Variants in ZRANB3 observed in about 807,000 individuals in gnomAD.
The protein encoded by ZRANB3 is zinc finger RANBP2-type containing 3, also known as DNA annealing helicase and endonuclease ZRANB3.
A neutral mutation model predicts 133.8 loss-of-function variants in ZRANB3; 125 were observed. That is an observed-to-expected ratio of 0.93 (90% CI 0.81 to 1.08). ZRANB3 has a LOEUF of 1.08. Among genes scored for constraint, ZRANB3 ranks in the 50% least tolerant of loss-of-function variants. The probability of loss-of-function intolerance (pLI) is 0.00; values close to 1 mark genes in which losing one functional copy is unlikely to be tolerated. For synonymous variants in ZRANB3, 387 were observed against 432.7 expected, an observed-to-expected ratio of 0.89 and a Z score of 1.31; for missense variants, 1,229 against 1,275.5, an observed-to-expected ratio of 0.96 and a Z score of 0.56.
chr2:135,391,861 G>C (rs1285506898), intron 2 of ZRANB3, among the ~76,000 whole-genome samples: 1 of 152,140 alleles, frequency 6.6e-6, no homozygotes, highest in Admixed American at 6.5e-5. Flanking sequence ...TTACAGGTGT[G>C]AGCCACCGCG....
chr2:135,289,498 C>T (rs1421677152), intron 8 of ZRANB3, among the ~76,000 whole-genome samples: 14 of 152,078 alleles, frequency 9.2e-5, no homozygotes, highest in Admixed American at 9.2e-4. Context: ...TTGTGATCTA[C>T]CCCCCTCAGC....
chr2:135,505,403 A>G (rs573164712), intron 1 of ZRANB3, among the ~76,000 whole-genome samples: 4 of 152,174 alleles, frequency 2.6e-5, no homozygotes, highest in South Asian at 2.1e-4. Flanking sequence ...TTGAAACCCC[A>G]TATCTATTAA....
intron 6 of ZRANB3, among the ~76,000 whole-genome samples, chr2:135,335,302 G>A (rs188903509): frequency 6.6e-6 from 1 of 151,620 alleles, no homozygotes; most frequent in African/African-American, 2.4e-5. Flanking sequence ...TATTCTGGGT[G>A]ACACAGAATA....
At chr2:135,453,300 G>T (rs1690355846) in intron 2 of ZRANB3, among the ~76,000 whole-genome samples, 1 of 152,210 alleles carries the variant, frequency 6.6e-6, no homozygotes, top group Non-Finnish European at 1.5e-5. Context: ...CTGCTGTGAA[G>T]GTCTCTGACA....
At chr2:135,310,399 C>T (rs761090121) in intron 8 of ZRANB3, among the ~76,000 whole-genome samples, 14 of 152,094 alleles carry the variant, frequency 9.2e-5, no homozygotes, top group Admixed American at 7.2e-4. Context: ...AAATAGTCTT[C>T]TGTGTTTTGA....
intron 17 of ZRANB3, among the ~76,000 whole-genome samples, chr2:135,210,320 CATTTT>C (rs10630129): frequency 2.0e-5 from 3 of 151,674 alleles, no homozygotes; most frequent in East Asian, 3.9e-4. Context: ...CTGATTAATT[CATTTT>C]ATTTTATTTT....
chr2:135,476,354 G>A (rs892516845), intron 2 of ZRANB3, among the ~76,000 whole-genome samples: 1 of 152,058 alleles, frequency 6.6e-6, no homozygotes, highest in Non-Finnish European at 1.5e-5. Context: ...AGTATTTATG[G>A]GTAAAATATA....
chr2:135,230,592 C>T lies in ZRANB3; in HGVS notation c.1875G>A (p.Trp625Ter). 1 of 1,605,274 alleles carries T rather than the reference C, an allele frequency of 6.2e-7. No homozygotes were observed. The highest frequency in any genetic ancestry group is 1.3e-5 in the African/African-American group (1 of 74,652). Residue 625 changes from tryptophan (W) to a stop codon, truncating the protein, a stop_gained, in exon 13 of 21, where the codon TGG becomes TGA. Coordinates refer to ENST00000264159, the MANE Select transcript of ZRANB3 (RefSeq NM_032143.4). LOFTEE classifies it high-confidence loss of function. ...LTTPAFPVEG[W>*]QCSLCTYINN... is the part of the protein sequence containing the mutation. ...TGATATAGGTGCAGAGACTACATTG[C>T]CAGCCCTCTACAGGAAAGGCTGGGG... is the stretch of plus-strand genomic sequence containing the variant.
At chr2:135,331,902 T>G (rs74962517) in intron 6 of ZRANB3, among the ~76,000 whole-genome samples, 214 of 152,190 alleles carry the variant, frequency 1.4e-3, no homozygotes, top group Middle Eastern at 6.8e-3. Flanking sequence ...TTTTTCTATG[T>G]GTGGTTTGTT....
At chr2:135,496,398 A>C (rs918229537) in intron 2 of ZRANB3, among the ~76,000 whole-genome samples, 4 of 149,960 alleles carry the variant, frequency 2.7e-5, no homozygotes, top group African/African-American at 7.3e-5. Flanking sequence ...AAAAAAAAAA[A>C]AAAAAAAAAA....
At chr2:135,238,552 T>TG (rs1219094862) in intron 12 of ZRANB3, among the ~76,000 whole-genome samples, 1 of 152,024 alleles carries the variant, frequency 6.6e-6, no homozygotes, top group African/African-American at 2.4e-5. Context: ...TTAGTAGAGA[T>TG]GGGGTTTCAC....
At chr2:135,476,204 A>G (rs1691493082) in intron 2 of ZRANB3, among the ~76,000 whole-genome samples, 1 of 152,256 alleles carries the variant, frequency 6.6e-6, no homozygotes, top group African/African-American at 2.4e-5. Flanking sequence ...AAACGGCATG[A>G]AAACACTTTT....
At chr2:135,400,966 A>C (rs915164252) in intron 2 of ZRANB3, among the ~76,000 whole-genome samples, 13 of 152,224 alleles carry the variant, frequency 8.5e-5, no homozygotes, top group African/African-American at 2.7e-4. Flanking sequence ...AAATATTACC[A>C]TAAGTATATT....
intron 19 of ZRANB3, among the ~76,000 whole-genome samples, chr2:135,206,096 C>T (rs547451730): frequency 1.8e-4 from 28 of 152,110 alleles, no homozygotes; most frequent in African/African-American, 5.5e-4. Flanking sequence ...GCAAATGATC[C>T]AGTATATTCA....
chr2:135,508,932 T>G (rs935389598), intron 1 of ZRANB3, among the ~76,000 whole-genome samples: 2 of 152,078 alleles, frequency 1.3e-5, no homozygotes, highest in African/African-American at 2.4e-5. Context: ...ATGAATACTT[T>G]ATTCAGTTCA....
intron 2 of ZRANB3, among the ~76,000 whole-genome samples, chr2:135,412,019 C>T (rs1688325443): frequency 6.6e-6 from 1 of 152,116 alleles, no homozygotes; most frequent in African/African-American, 2.4e-5. Context: ...TTATCTCTTA[C>T]TTAAACTAAG....
intron 3 of ZRANB3, among the ~76,000 whole-genome samples, chr2:135,365,225 C>A (rs1685872937): frequency 6.6e-6 from 1 of 152,132 alleles, no homozygotes; most frequent in Admixed American, 6.5e-5. Flanking sequence ...CAGGATTGCA[C>A]CACTGCACTC....
intron 3 of ZRANB3, among the ~76,000 whole-genome samples, chr2:135,360,437 T>C (rs1685630947): frequency 6.6e-6 from 1 of 151,500 alleles, no homozygotes; most frequent in African/African-American, 2.4e-5. Context: ...CTGGGCACGG[T>C]GGCTCATGCC....
In ZRANB3 at chr2:135,455,171, C is replaced by CTTTTTTTTT. The variant is rs1166170814; in HGVS notation, c.161+49149_161+49157dup. Among the ~76,000 whole-genome samples, 200 of 37,596 alleles carry CTTTTTTTTT rather than the reference C, an allele frequency of 5.3e-3. 38 individuals carry two copies. The highest frequency in any genetic ancestry group is 0.024 in the Middle Eastern group (1 of 42). 24.7% of individuals were successfully genotyped at this position (37,596 alleles called of 152,430 possible). A position where few individuals can be genotyped will look rare whatever the true frequency, so the allele number is the denominator to read the frequency against. On this transcript the variant is annotated intron_variant, in intron 2 of 20. Transcript: ENST00000264159. ...AATGGGATCACAATGCCTTCTTATA[C>CTTTTTTTTT]TTTTTTTTTTTTTTTTTTTTTTTTT... is the stretch of plus-strand genomic sequence containing the variant.
Sources: allele counts gnomAD v4.1 joint callset (sites outside exome capture counted in the v4.1 genomes callset), GRCh38; gene constraint gnomAD v4.1.1; transcripts MANE v1.5; gene names NCBI Gene and HGNC (gene_info 2026-07-23, HGNC 2026-07-21).